The following FUCA1 variants were observed in gnomAD, a reference collection of about 807,000 sequenced individuals.
FUCA1 encodes tissue alpha-L-fucosidase.
FUCA1 carries 52 observed loss-of-function variants against 56.8 expected under a neutral mutation model. That is an observed-to-expected ratio of 0.92 (90% CI 0.73 to 1.15). The LOEUF (loss-of-function observed/expected upper bound fraction) is 1.15, where lower values mean the gene tolerates loss of function less well. FUCA1 is among the 50% of genes most tolerant of loss of function. The pLI, the probability that FUCA1 is intolerant of heterozygous loss-of-function variation, is 0.00. For synonymous variants in FUCA1, 230 were observed against 226.6 expected (o/e 1.02, Z -0.14); for missense variants, 568 against 592.6 (o/e 0.96, Z 0.43).
At chr1:23,847,136 ACT>A (rs139410285) in intron 6 of FUCA1, among the ~76,000 whole-genome samples, 4,751 of 151,690 alleles carry the variant, frequency 0.031, 234 homozygotes, top group African/African-American at 0.11. Flanking sequence ...AGTCTATAAA[ACT>A]CTATCTGGTG....
intron 4 of FUCA1, among the ~76,000 whole-genome samples, chr1:23,855,148 G>A (rs1018457976): frequency 6.6e-6 from 1 of 151,938 alleles, no homozygotes; most frequent in African/African-American, 2.4e-5. Flanking sequence ...TTACTTCAAG[G>A]TTTAGCTGAA....
At chr1:23,865,675 A>G in intron 1 of FUCA1, 50 bp from the exon 2 acceptor site, 5 of 1,612,484 alleles carry the variant, frequency 3.1e-6, no homozygotes, top group South Asian at 1.1e-5. Flanking sequence ...GTGAACTTGC[A>G]TGAACTTGCC....
At position 23,848,655 on chromosome 1, in the gene FUCA1, G is replaced by A. The variant is rs748024437; in HGVS notation, c.1154C>T (p.Ser385Phe). The A allele has an allele frequency of 1.2e-6, 2 of 1,614,090 alleles. No homozygotes were observed. The highest frequency in any genetic ancestry group is 1.7e-6 in the Non-Finnish European group (2 of 1,179,932). Residue 385 changes from serine to phenylalanine, a missense_variant, in exon 6 of 8, where the codon TCT (serine) becomes TTT (phenylalanine). Coordinates refer to ENST00000374479, the MANE Select transcript of FUCA1 (RefSeq NM_000147.5). ...WRVQWEKNTT[S>F]VWYTSKGSAV... is the part of the protein sequence containing the mutation. ...AACAGAAGACAAGACTCACCATACA[G>A]ATGTTGTGTTCTTTTCCCATTGCAC...
chr1:23,852,726 C>T (rs938785301), intron 5 of FUCA1, among the ~76,000 whole-genome samples: 9 of 152,190 alleles, frequency 5.9e-5, no homozygotes, highest in African/African-American at 2.2e-4. Flanking sequence ...GATCCGCCAG[C>T]CTCGGCCTCC....
chr1:23,859,073 T>G (rs1477784664), intron 4 of FUCA1, among the ~76,000 whole-genome samples: 7 of 152,144 alleles, frequency 4.6e-5, no homozygotes, highest in African/African-American at 1.7e-4. Context: ...TGAGCTGCTA[T>G]GCTTGGCCTG....
At chr1:23,851,846 C>T (rs763399760) in intron 5 of FUCA1, among the ~76,000 whole-genome samples, 24 of 151,802 alleles carry the variant, frequency 1.6e-4, no homozygotes, top group Non-Finnish European at 2.9e-5. Flanking sequence ...CATCACACAC[C>T]AGGGCTTGTT....
intron 5 of FUCA1, among the ~76,000 whole-genome samples, chr1:23,854,120 C>T (rs994334169): frequency 6.6e-6 from 1 of 151,596 alleles, no homozygotes; most frequent in Non-Finnish European, 1.5e-5. Context: ...CTACCCACAC[C>T]CACTTTAAGA....
rs1380905344 is a variant in FUCA1, at chr1:23,848,761, T to C, written c.1048A>G (p.Ile350Val). 5.6e-6 allele frequency: 9 copies of C among 1,614,152 alleles called. No homozygotes were observed. Among genetic ancestry groups the C allele is most frequent in the Non-Finnish European group, 7.6e-6 (9 of 1,179,994 alleles). ...GPTKDGLIVP[I>V]FQERLLAVGK... ...ACAGCAAGAAGCCTTTCTTGGAAGA[T>C]GGGAACAATCAGTCCATCTTTAGTT... is the stretch of plus-strand genomic sequence containing the variant. Residue 350 changes from isoleucine to valine, a missense_variant, in exon 6 of 8, where the codon ATC becomes GTC. Physicochemically the swap from Ile to Val is conservative, Grantham distance 29. Coordinates refer to ENST00000374479, the MANE Select transcript of FUCA1 (RefSeq NM_000147.5).
At chr1:23,866,801 A>G (rs1200335678) in intron 1 of FUCA1, among the ~76,000 whole-genome samples, 2 of 152,196 alleles carry the variant, frequency 1.3e-5, no homozygotes, top group Non-Finnish European at 2.9e-5. Context: ...CATCTCATCC[A>G]TGAAATAAAA....
chr1:23,863,335 A>G, intron 2 of FUCA1, 64 bp from the exon 3 acceptor site: 2 of 1,546,764 alleles, frequency 1.3e-6, no homozygotes, highest in East Asian at 4.6e-5. Context: ...ATTTTAAGGA[A>G]AATCAGTTCT....
chr1:23,857,114 C>A (rs535738253), intron 4 of FUCA1, among the ~76,000 whole-genome samples: 46 of 152,112 alleles, frequency 3.0e-4, no homozygotes, highest in Admixed American at 1.2e-3. Context: ...TTTGGCTAGT[C>A]ATTTTTCCTT....
chr1:23,853,653 C>T (rs922548887), intron 5 of FUCA1, among the ~76,000 whole-genome samples: 8 of 150,694 alleles, frequency 5.3e-5, no homozygotes, highest in Middle Eastern at 6.8e-3. Flanking sequence ...ATTGAGAAAT[C>T]GGATGGTTGC....
chr1:23,857,259 C>A (rs1431469024), intron 4 of FUCA1, among the ~76,000 whole-genome samples: 1 of 152,118 alleles, frequency 6.6e-6, no homozygotes, highest in Non-Finnish European at 1.5e-5. Flanking sequence ...AATCTGAATT[C>A]TTGGTTCAAC....
chr1:23,852,132 T>A (rs1443818232), intron 5 of FUCA1, among the ~76,000 whole-genome samples: 5 of 149,024 alleles, frequency 3.4e-5, no homozygotes, highest in Admixed American at 6.7e-5. Flanking sequence ...AGTTAAAAAA[T>A]AGTGAACTCA....
Position 23,865,543 on chromosome 1 carries a change from C to A in FUCA1, c.472G>T (p.Val158Leu), listed in dbSNP as rs550936524. 5 of 1,614,196 alleles carry A rather than the reference C, an allele frequency of 3.1e-6. No homozygotes were observed. In the South Asian group the frequency reaches 4.4e-5, roughly 14 times the overall value. Residue 158 changes from valine (V) to leucine (L), a missense_variant, in exon 2 of 8, where the codon GTG becomes TTG. Coordinates refer to ENST00000374479, the MANE Select transcript of FUCA1 (RefSeq NM_000147.5). The stretch of plus-strand genomic sequence containing the variant: ...CCAACCAAATCCCGATGAGGCCCCA[C>A]GTCTTTGGAGTTCCAGTTCCAAGAC... ...PVSWNWNSKD[V>L]GPHRDLVGEL...
In FUCA1 at chr1:23,868,090, A is replaced by C; in HGVS notation, c.197T>G (p.Val66Gly). Residue 66 changes from valine (V) to glycine (G), a missense_variant, in exon 1 of 8, where the codon GTG (valine) becomes GGG (glycine). Coordinates refer to ENST00000374479, the MANE Select transcript of FUCA1 (RefSeq NM_000147.5). ...AKFGVFIHWG[V>G]FSVPAWGSEW... ...GCTGCCCCAGGCGGGCACCGAGAAC[A>C]CGCCCCAGTGGATGAACACCCCGAA... 6.2e-7 allele frequency: 1 copy of C among 1,611,762 alleles called. No homozygotes were observed. Among genetic ancestry groups the C allele is most frequent in the Non-Finnish European group, 8.5e-7 (1 of 1,179,608 alleles).
In FUCA1 at chr1:23,845,753, C is replaced by T. The variant is rs1639124167; in HGVS notation, c.1363G>A (p.Glu455Lys). ...GTCAGCTTTATAGTCCAAGCAAACT[C>T]TGCGGGGACAGCAGAGGGTGGCAAC... ...PQLPPSAVPA[E>K]FAWTIKLTGV... Residue 455 changes from glutamate (E) to lysine (K), a missense_variant, in exon 8 of 8, where the codon GAG becomes AAG. Glu to Lys is a moderately conservative substitution (Grantham distance 56). Coordinates refer to ENST00000374479, the MANE Select transcript of FUCA1 (RefSeq NM_000147.5). The T allele has an allele frequency of 6.2e-7, 1 of 1,614,188 alleles. No homozygotes were observed. Among genetic ancestry groups the T allele is most frequent in the African/African-American group, 1.3e-5 (1 of 75,042 alleles).
chr1:23,847,970 T>TG (rs1452546403), intron 6 of FUCA1, among the ~76,000 whole-genome samples: 2 of 152,070 alleles, frequency 1.3e-5, no homozygotes, highest in Non-Finnish European at 2.9e-5. Flanking sequence ...TGCAGTGAGC[T>TG]GAGATTCTGC....
At chr1:23,851,388 ACAT>A (rs1639255056) in intron 5 of FUCA1, among the ~76,000 whole-genome samples, 1 of 34,016 alleles carries the variant, frequency 2.9e-5, no homozygotes, top group East Asian at 7.0e-4. Context: ...ATATACACAT[ACAT>A]ACATACATAC....
Sources: gnomAD v4.1 joint callset for allele counts (sites outside exome capture counted in the v4.1 genomes callset) on GRCh38, gnomAD v4.1.1 for gene constraint, MANE v1.5 for transcripts, NCBI Gene and HGNC (gene_info 2026-07-23, HGNC 2026-07-21) for gene names.